The following ZBED4 variants were observed in gnomAD, a reference collection of about 807,000 sequenced individuals.
The protein encoded by ZBED4 is zinc finger BED domain-containing protein 4.
In ZBED4, 4 loss-of-function variants were observed where a neutral mutation model predicts 15.5. The observed-to-expected ratio is 0.26, with a 90% CI of 0.13 to 0.59. The LOEUF is 0.59. Ranked by LOEUF, ZBED4 falls within the 20% of genes least tolerant of loss-of-function variation. The pLI is 0.90. For missense variants in ZBED4, 1,323 were observed against 1,461.8 expected, an observed-to-expected ratio of 0.91 and a Z score of 1.55; for synonymous variants, 692 against 608.5, an observed-to-expected ratio of 1.14 and a Z score of -2.02.
Position 49,886,461 on chromosome 22 carries a change from G to A in ZBED4, c.2799G>A (p.Val933=). ...ACCAGTGGGAGGTCATGCAGTCCGT[G>A]TGCCGTGCGCTAAAGCCCTTCGAGG... The part of the protein sequence containing the change: ...SCDQWEVMQS[V]CRALKPFEAA... The change falls in exon 2 of 2, where the codon GTG becomes GTA. Residue 933 remains valine, a synonymous_variant. Coordinates refer to ENST00000216268, the MANE Select transcript of ZBED4 (RefSeq NM_014838.3). The surrounding 1 kb of genome is among the most constrained non-coding windows in gnomAD (Gnocchi z 7.7). The A allele has an allele frequency of 1.3e-6, 2 of 1,574,162 alleles. No homozygotes were observed.
At chr22:49,879,130 T>C (rs1220768959) in intron 1 of ZBED4, among the ~76,000 whole-genome samples, 1 of 144,938 alleles carries the variant, frequency 6.9e-6, no homozygotes, top group Non-Finnish European at 1.5e-5. Context: ...GGCCACAGAG[T>C]GGGACTCCAT....
chr22:49,853,501 G>A (rs2060259919), upstream of ZBED4: 1 of 152,228 alleles, frequency 6.6e-6, no homozygotes, highest in East Asian at 1.9e-4. Flanking sequence ...TGCGCGCCGA[G>A]CCGCTGCCAA....
At position 49,889,475 on chromosome 22, in the gene ZBED4, G is replaced by A. The variant is rs545603693; in HGVS notation, c.*2297G>A. 11 of 166,890 alleles carry A rather than the reference G, an allele frequency of 6.6e-5. No homozygotes were observed. The highest frequency in any genetic ancestry group is 2.1e-4 in the South Asian group (1 of 4,816). 10.3% of individuals were successfully genotyped at this position (166,890 alleles called of 1,614,324 possible). A position where few individuals can be genotyped will look rare whatever the true frequency, so the allele number is the denominator to read the frequency against. ...TGCCTTTATGGGGTTTTTTTTGTTTGTTTTTTTAAGCTTTCAGCTTCATGC... is the reference window on the plus strand; with the variant it reads ...TGCCTTTATGGGGTTTTTTTTGTTTATTTTTTTAAGCTTTCAGCTTCATGC... On this transcript the variant is annotated 3_prime_UTR_variant, in exon 2 of 2. Coordinates refer to ENST00000216268, the MANE Select transcript of ZBED4 (RefSeq NM_014838.3).
chr22:49,863,625 CAAAAA>C (rs59800105), intron 1 of ZBED4, among the ~76,000 whole-genome samples: 1 of 94,308 alleles, frequency 1.1e-5, no homozygotes. Context: ...GACTCCGTCT[CAAAAA>C]AAAAAAAAAA....
At chr22:49,857,596 AGTTTGTTT>A (rs371731040) in intron 1 of ZBED4, among the ~76,000 whole-genome samples, 5 of 151,764 alleles carry the variant, frequency 3.3e-5, no homozygotes, top group Admixed American at 6.6e-5. Context: ...TCCCCTTCTC[AGTTTGTTT>A]GTTTGTTTGT....
chr22:49,875,514 G>A (rs536630351), intron 1 of ZBED4, among the ~76,000 whole-genome samples: 6 of 151,146 alleles, frequency 4.0e-5, no homozygotes, highest in South Asian at 2.1e-4. Flanking sequence ...TCCACCTCCC[G>A]GGTTCCAGGG....
In ZBED4 at chr22:49,887,024, T is replaced by A; in HGVS notation, c.3362T>A (p.Phe1121Tyr). 1 of 1,614,060 alleles carries A rather than the reference T, an allele frequency of 6.2e-7. No homozygotes were observed. Residue 1121 changes from phenylalanine to tyrosine, a missense_variant, in exon 2 of 2, where the codon TTT becomes TAT. Transcript: ENST00000216268. ...GGGCTGTCCGCGCTGGCCGTCAGATTTTTGGGCTGCCCCCCAAGCATCGTC... is the reference window on the plus strand; with the variant it reads ...GGGCTGTCCGCGCTGGCCGTCAGATATTTGGGCTGCCCCCCAAGCATCGTC... ...WPGLSALAVR[F>Y]LGCPPSIVPS...
rs150544821 is a variant in ZBED4, at chr22:49,868,550, G to T, written c.-330+14561G>T. Among the ~76,000 whole-genome samples, 1,029 of 152,234 alleles carry T rather than the reference G, an allele frequency of 6.8e-3. 8 individuals are homozygous for T. The highest frequency in any genetic ancestry group is 0.023 in the African/African-American group (962 of 41,536). On this transcript the variant is annotated intron_variant, in intron 1 of 1. Transcript: ENST00000216268. ...GCCAAGATTGTGCCACTGCACTCTA[G>T]CCTGGGCAACAGAGCGAGACTGTCT...
chr22:49,874,338 C>T (rs980797125), intron 1 of ZBED4, among the ~76,000 whole-genome samples: 11 of 151,728 alleles, frequency 7.2e-5, no homozygotes, highest in Non-Finnish European at 1.3e-4. Flanking sequence ...TTTTCTACAT[C>T]GAATGACGTG....
At chr22:49,877,360 C>T (rs1233127278) in intron 1 of ZBED4, among the ~76,000 whole-genome samples, 1 of 151,936 alleles carries the variant, frequency 6.6e-6, no homozygotes, top group East Asian at 1.9e-4. Flanking sequence ...GGTGCGATCT[C>T]AGCTCACTGC....
At chr22:49,854,846 A>T (rs1277621411) in intron 1 of ZBED4, among the ~76,000 whole-genome samples, 4 of 152,226 alleles carry the variant, frequency 2.6e-5, no homozygotes, top group African/African-American at 9.6e-5. Flanking sequence ...TGATCAGATT[A>T]CGTTTTTAGA....
chr22:49,868,182 T>C (rs1601788952), intron 1 of ZBED4, among the ~76,000 whole-genome samples: 1 of 152,274 alleles, frequency 6.6e-6, no homozygotes, highest in East Asian at 1.9e-4. Flanking sequence ...TTTTTGTTGT[T>C]GTTGATAACA....
At chr22:49,874,474 C>T (rs1295138549) in intron 1 of ZBED4, among the ~76,000 whole-genome samples, 1 of 151,242 alleles carries the variant, frequency 6.6e-6, no homozygotes, top group African/African-American at 2.4e-5. Flanking sequence ...CAACTTCTGC[C>T]TCCCAGGTTC....
Position 49,883,639 on chromosome 22 carries a change from C to T in ZBED4, c.-24C>T. ...ATCAGTGTTTTATGAACCTAAGATACAGCCGGAGTAGTTATGGTCAGTCAT... is the reference window on the plus strand; with the variant it reads ...ATCAGTGTTTTATGAACCTAAGATATAGCCGGAGTAGTTATGGTCAGTCAT... On this transcript the variant is annotated 5_prime_UTR_variant, in exon 2 of 2. Transcript: ENST00000216268. 6.6e-7 allele frequency: 1 copy of T among 1,511,616 alleles called. No homozygotes were observed. Among genetic ancestry groups the T allele is most frequent in the East Asian group, 2.3e-5 (1 of 43,836 alleles). The allele number at this position is 1,511,616 out of a possible 1,614,324, so 93.6% of individuals were successfully genotyped here.
Position 49,883,815 on chromosome 22 carries a change from G to T in ZBED4, c.153G>T (p.Gln51His). 3 of 1,613,156 alleles carry T rather than the reference G, an allele frequency of 1.9e-6. No homozygotes were observed. Among genetic ancestry groups the T allele is most frequent in the Non-Finnish European group, 2.5e-6 (3 of 1,179,102 alleles). Residue 51 changes from glutamine (Q) to histidine (H), a missense_variant, in exon 2 of 2, where the codon CAG becomes CAT. By Grantham distance (24) the Gln-to-His change is conservative. Transcript: ENST00000216268. ...AAAGCGAGCAGGAGGACATGAAGCA[G>T]ACAGACAGCGGTGGGGAGCGAGCGG... ...DFKSEQEDMK[Q>H]TDSGGERAGL...
intron 1 of ZBED4, among the ~76,000 whole-genome samples, chr22:49,870,299 G>A (rs2060340524): frequency 6.6e-6 from 1 of 152,200 alleles, no homozygotes; most frequent in Admixed American, 6.5e-5. Flanking sequence ...ATGTGTACAT[G>A]GGGTTTTTTT....
Position 49,885,394 on chromosome 22 carries a change from G to C in ZBED4, c.1732G>C (p.Val578Leu). 6.3e-7 allele frequency: 1 copy of C among 1,598,338 alleles called. No homozygotes were observed. The highest frequency in any genetic ancestry group is 1.3e-5 in the African/African-American group (1 of 74,406). The change falls in exon 2 of 2, where the codon GTG becomes CTG. Residue 578 changes from valine to leucine, a missense_variant. Coordinates refer to ENST00000216268, the MANE Select transcript of ZBED4 (RefSeq NM_014838.3). ...TTGCTCCGCAGACTCCACAAAAGTC[G>C]TGTGCTTGCACTGTGGCCGGACCAT... ...SICSADSTKV[V>L]CLHCGRTISR...
chr22:49,884,712 A>C lies in ZBED4; in HGVS notation c.1050A>C (p.Pro350=), dbSNP rs1315451341. The stretch of plus-strand genomic sequence containing the variant: ...AGAACGGGGGCACGGGCATCCCGCC[A>C]CTGTACTCCACCCCTCCCACTCTGC... ...LQENGGTGIP[P]LYSTPPTLLP... The change falls in exon 2 of 2, where the codon CCA becomes CCC. Residue 350 remains proline, a synonymous_variant. Coordinates refer to ENST00000216268, the MANE Select transcript of ZBED4 (RefSeq NM_014838.3). 3.1e-6 allele frequency: 5 copies of C among 1,596,936 alleles called. No individual in the cohort carries two copies. The highest frequency in any genetic ancestry group is 4.3e-6 in the Non-Finnish European group (5 of 1,170,498).
intron 1 of ZBED4, among the ~76,000 whole-genome samples, chr22:49,874,872 G>A (rs1020540397): frequency 1.1e-4 from 16 of 151,318 alleles, no homozygotes; most frequent in Non-Finnish European, 1.8e-4. Flanking sequence ...TAATAGAGAC[G>A]GGGTTTCACC....
Sources: gnomAD v4.1 joint callset for allele counts (sites outside exome capture counted in the v4.1 genomes callset) on GRCh38, gnomAD v4.1.1 for gene constraint, Gnocchi (gnomAD v3.1) non-coding constraint, MANE v1.5 for transcripts, NCBI Gene and HGNC (gene_info 2026-07-23, HGNC 2026-07-21) for gene names.